The following CEP128 variants were observed in gnomAD, a reference collection of about 807,000 sequenced individuals.
CEP128 encodes centrosomal protein 128.
CEP128 carries 132 observed loss-of-function variants against 156.7 expected under a neutral mutation model. That is an observed-to-expected ratio of 0.84 (90% CI 0.73 to 0.97). The LOEUF (loss-of-function observed/expected upper bound fraction) is 0.97. Among genes scored for constraint, CEP128 ranks in the 50% least tolerant of loss-of-function variants. CEP128 has a pLI of 0.00. For missense variants in CEP128, 1,252 were observed against 1,281.9 expected (o/e 0.98, Z 0.36); for synonymous variants, 469 against 448.9 (o/e 1.04, Z -0.57).
intron 23 of CEP128, among the ~76,000 whole-genome samples, chr14:80,510,976 A>G (rs1566748109): frequency 6.6e-6 from 1 of 151,122 alleles, no homozygotes; most frequent in Non-Finnish European, 1.5e-5. Context: ...TCTTTTTAAT[A>G]GATTATTGAA....
At chr14:80,556,714 T>C (rs1428038514) in intron 21 of CEP128, among the ~76,000 whole-genome samples, 1 of 152,210 alleles carries the variant, frequency 6.6e-6, no homozygotes, top group Admixed American at 6.5e-5. Flanking sequence ...ATTTGCATAT[T>C]GATAGCACCA....
chr14:80,941,948 C>G (rs1252155595), upstream of CEP128, among the ~76,000 whole-genome samples: 1 of 151,778 alleles, frequency 6.6e-6, no homozygotes, highest in African/African-American at 2.4e-5. Context: ...TTGCCCTGCT[C>G]TATTTTTTTT....
chr14:80,589,239 G>T (rs1470399151), intron 19 of CEP128, among the ~76,000 whole-genome samples: 1 of 152,106 alleles, frequency 6.6e-6, no homozygotes, highest in Non-Finnish European at 1.5e-5. Context: ...AGCACAGTGA[G>T]ATCCATTTTC....
downstream of CEP128, among the ~76,000 whole-genome samples, chr14:80,486,519 C>T (rs976078902): frequency 9.9e-5 from 15 of 151,584 alleles, no homozygotes; most frequent in Admixed American, 1.3e-4. Context: ...ATACAGAGAA[C>T]GCCCCAAAGA....
intron 19 of CEP128, among the ~76,000 whole-genome samples, chr14:80,607,121 T>C (rs1216817360): frequency 6.6e-6 from 1 of 151,948 alleles, no homozygotes; most frequent in African/African-American, 2.4e-5. Context: ...GCTACATGTG[T>C]TTATCTTTAG....
intron 3 of CEP128, 73 bp from the exon 4 acceptor site, chr14:80,914,481 A>T: frequency 9.2e-7 from 1 of 1,088,014 alleles, no homozygotes. Context: ...GTAGTATGTC[A>T]ATCAACTAAG....
intron 19 of CEP128, among the ~76,000 whole-genome samples, chr14:80,675,304 C>G: frequency 6.6e-6 from 1 of 151,980 alleles, no homozygotes; most frequent in East Asian, 1.9e-4. Flanking sequence ...AACAGATTTT[C>G]TTGGGTAAAA....
At chr14:80,684,207 A>G (rs1313667586) in intron 19 of CEP128, among the ~76,000 whole-genome samples, 4 of 152,130 alleles carry the variant, frequency 2.6e-5, no homozygotes, top group African/African-American at 9.6e-5. Flanking sequence ...CTAGATTAAC[A>G]AAGGGGAAAA....
chr14:80,511,628 C>T (rs1474620082), intron 23 of CEP128, among the ~76,000 whole-genome samples: 1 of 151,622 alleles, frequency 6.6e-6, no homozygotes, highest in African/African-American at 2.4e-5. Flanking sequence ...TTTTCTTCTA[C>T]TAATTTTGAG....
chr14:80,500,721 G>C (rs1887693834), intron 24 of CEP128, among the ~76,000 whole-genome samples: 1 of 152,054 alleles, frequency 6.6e-6, no homozygotes, highest in African/African-American at 2.4e-5. Context: ...GTAAAACATG[G>C]AGAAGCCTAT....
intron 21 of CEP128, among the ~76,000 whole-genome samples, chr14:80,539,015 G>A (rs10498543): frequency 0.19 from 29,322 of 152,144 alleles, 3,223 homozygotes; most frequent in African/African-American, 0.29. Context: ...TGACCCAGGA[G>A]AGCTATTCAG....
intron 8 of CEP128, among the ~76,000 whole-genome samples, chr14:80,890,827 T>C (rs1889061942): frequency 6.6e-6 from 1 of 152,036 alleles, no homozygotes; most frequent in South Asian, 2.1e-4. Flanking sequence ...TAACCATTAT[T>C]CATAAGGAGC....
chr14:80,510,829 A>G (rs1378628985), intron 23 of CEP128, among the ~76,000 whole-genome samples: 1 of 151,524 alleles, frequency 6.6e-6, no homozygotes, highest in African/African-American at 2.4e-5. Context: ...ATCATGAAGG[A>G]TGTTTATCAA....
At chr14:80,737,284 G>A (rs1406549245) in intron 19 of CEP128, among the ~76,000 whole-genome samples, 2 of 151,754 alleles carry the variant, frequency 1.3e-5, no homozygotes, top group Non-Finnish European at 2.9e-5. Context: ...CACACCTGTA[G>A]TCCCAGCTAC....
At chr14:80,621,479 A>G (rs1893477861) in intron 19 of CEP128, among the ~76,000 whole-genome samples, 1 of 152,208 alleles carries the variant, frequency 6.6e-6, no homozygotes, top group African/African-American at 2.4e-5. Context: ...CAGTGGTTCA[A>G]AAATGGAGGC....
Position 80,716,437 on chromosome 14 carries a change from T to C in CEP128, c.2806+26638A>G, listed in dbSNP as rs554956359. Among the ~76,000 whole-genome samples the C allele has an allele frequency of 2.6e-5, 4 of 152,342 alleles. No individual in the cohort carries two copies. In the South Asian group the frequency reaches 6.2e-4, roughly 24 times the overall value. On this transcript the variant is annotated intron_variant, in intron 19 of 24. Coordinates refer to ENST00000555265, the MANE Select transcript of CEP128 (RefSeq NM_152446.5). ...CACTATTTCTTAATGATGATATAGA[T>C]AGTACAACCACCAGTATCTAAAGAT...
intron 8 of CEP128, among the ~76,000 whole-genome samples, chr14:80,881,271 C>G (rs1464772310): frequency 6.6e-6 from 1 of 151,992 alleles, no homozygotes; most frequent in Non-Finnish European, 1.5e-5. Context: ...TTCAAAGGAT[C>G]ATTAGTGGCT....
chr14:80,837,090 C>G (rs973800481), intron 11 of CEP128, among the ~76,000 whole-genome samples: 8 of 152,180 alleles, frequency 5.3e-5, no homozygotes, highest in African/African-American at 1.9e-4. Flanking sequence ...GGCTGCAGAA[C>G]AAAGTCAGCG....
chr14:80,831,472 A>G (rs1228834601), intron 12 of CEP128, among the ~76,000 whole-genome samples, 178 bp from the exon 13 acceptor site: 5 of 152,210 alleles, frequency 3.3e-5, no homozygotes, highest in Admixed American at 3.3e-4. Context: ...AAAAACATAT[A>G]CATTGCTATA....
Sources: gnomAD v4.1 joint callset for allele counts (sites outside exome capture counted in the v4.1 genomes callset) on GRCh38, gnomAD v4.1.1 for gene constraint, MANE v1.5 for transcripts, NCBI Gene and HGNC (gene_info 2026-07-23, HGNC 2026-07-21) for gene names.